Variants in HECA observed in about 807,000 individuals in gnomAD.
HECA encodes the protein HECA ribonucleoprotein granule regulator, also known as headcase protein homolog.
HECA carries 13 observed loss-of-function variants against 37.6 expected under a neutral mutation model. The ratio of observed to expected loss-of-function variants is 0.35; its 90% CI spans 0.23 to 0.55. The LOEUF is 0.55. Among genes scored for constraint, HECA ranks in the 20% least tolerant of loss-of-function variants. HECA has a pLI of 0.90. For synonymous variants in HECA, 307 were observed against 291.5 expected, an observed-to-expected ratio of 1.05 and a Z score of -0.54; for missense variants, 527 against 701.9, an observed-to-expected ratio of 0.75 and a Z score of 2.82.
intron 2 of HECA, among the ~76,000 whole-genome samples, chr6:139,171,002 G>A (rs1370106490): frequency 6.6e-6 from 1 of 152,134 alleles, no homozygotes; most frequent in Non-Finnish European, 1.5e-5. Context: ...CAGATAAATG[G>A]TGCAAGAGTA....
intron 1 of HECA, among the ~76,000 whole-genome samples, chr6:139,143,389 G>A (rs1181300476): frequency 6.6e-6 from 1 of 152,078 alleles, no homozygotes; most frequent in African/African-American, 2.4e-5. Context: ...ACATTAATGT[G>A]GAAAAAGACT....
chr6:139,159,300 A>C (rs574700884), intron 1 of HECA: 1 of 152,148 alleles, frequency 6.6e-6, no homozygotes, highest in Non-Finnish European at 1.5e-5. Context: ...TAAGAGGACC[A>C]TGCTCTCTGC....
intron 1 of HECA, among the ~76,000 whole-genome samples, chr6:139,139,638 C>G (rs544206538): frequency 4.7e-4 from 71 of 152,304 alleles, no homozygotes; most frequent in African/African-American, 1.7e-3. Context: ...TGGGGGAGCT[C>G]TGGAGGTGGG....
intron 1 of HECA, among the ~76,000 whole-genome samples, chr6:139,162,244 T>G (rs937127613): frequency 6.6e-6 from 1 of 151,974 alleles, no homozygotes. Context: ...GGAGTCAGGA[T>G]AGGGGGGCAA....
chr6:139,161,504 C>T (rs77313583), intron 1 of HECA, among the ~76,000 whole-genome samples: 1,601 of 152,266 alleles, frequency 0.011, 28 homozygotes, highest in African/African-American at 0.037. Context: ...GTCTGTGTTC[C>T]ATGTGTGCAC....
intron 1 of HECA, among the ~76,000 whole-genome samples, chr6:139,157,396 C>T (rs972968062): frequency 6.6e-6 from 1 of 152,206 alleles, no homozygotes; most frequent in African/African-American, 2.4e-5. Flanking sequence ...TTACCCAGCT[C>T]CTATTTAAGA....
rs770633229 is a variant in HECA, at chr6:139,166,696, A to G, written c.684A>G (p.Pro228=). The G allele has an allele frequency of 1.9e-6, 3 of 1,613,030 alleles. No individual in the cohort carries two copies. The highest frequency in any genetic ancestry group is 2.2e-5 in the South Asian group (2 of 90,958). The part of the protein sequence containing the change: ...AAEEAKKCRP[P]NKPQKGPSHD... Reference sequence around the variant, plus strand: ...AGGAGGCAAAAAAGTGCAGGCCCCCAAATAAGCCCCAGAAAGGCCCAAGCC... The same window carrying G: ...AGGAGGCAAAAAAGTGCAGGCCCCCGAATAAGCCCCAGAAAGGCCCAAGCC... The change falls in exon 2 of 4, where the codon CCA becomes CCG. Residue 228 remains proline, a synonymous_variant. Transcript: ENST00000367658.
At chr6:139,149,374 C>G (rs577485649) in intron 1 of HECA, among the ~76,000 whole-genome samples, 17 of 152,336 alleles carry the variant, frequency 1.1e-4, no homozygotes, top group African/African-American at 1.7e-4. Flanking sequence ...TGACATGATA[C>G]TGTTTGTGAC....
rs1239006420 is a variant in HECA at position 139,174,426 on chromosome 6, G to C, written c.1354G>C (p.Glu452Gln). Reference sequence around the variant, plus strand: ...GTATGCCGTGTGCGTGGACTGCCTGGAAGGGGTTCACAAGATCATCTGCAT... The same window carrying C: ...GTATGCCGTGTGCGTGGACTGCCTGCAAGGGGTTCACAAGATCATCTGCAT... Reference protein sequence around the residue: ...HLYAVCVDCLEGVHKIICIKC... With the variant: ...HLYAVCVDCLQGVHKIICIKC... The change falls in exon 3 of 4, where the codon GAA becomes CAA. Residue 452 changes from glutamate (E) to glutamine (Q), a missense_variant. Physicochemically the swap from Glu to Gln is conservative, Grantham distance 29. This residue lies in a region of HECA where 106 missense variants were observed against 193.4 expected (regional missense o/e 0.55). Coordinates refer to ENST00000367658, the MANE Select transcript of HECA (RefSeq NM_016217.3). The C allele has an allele frequency of 6.2e-7, 1 of 1,614,002 alleles. No individual in the cohort carries two copies. The highest frequency in any genetic ancestry group is 8.5e-7 in the Non-Finnish European group (1 of 1,179,996).
At chr6:139,159,420 A>G (rs1774765175) in intron 1 of HECA, among the ~76,000 whole-genome samples, 1 of 152,226 alleles carries the variant, frequency 6.6e-6, no homozygotes, top group African/African-American at 2.4e-5. Flanking sequence ...CTAGTATCCC[A>G]TGGAACCGGG....
Position 139,135,416 on chromosome 6 carries a change from G to A in HECA, c.20G>A (p.Ser7Asn). The change falls in exon 1 of 4, where the codon AGC (serine) becomes AAC (asparagine). Residue 7 changes from serine (S) to asparagine (N), a missense_variant. By Grantham distance (46) the Ser-to-Asn change is conservative. This residue lies in a region of HECA where 172 missense variants were observed against 197.6 expected (regional missense o/e 0.87). Coordinates refer to ENST00000367658, the MANE Select transcript of HECA (RefSeq NM_016217.3). The stretch of plus-strand genomic sequence containing the variant: ...AGCGAGATGCCCAACCCCAAAAACA[G>A]CAAAGGCGGCCGCAAAAACAAGCGC... MPNPKN[S>N]KGGRKNKRAN... 6 of 1,382,374 alleles carry A rather than the reference G, an allele frequency of 4.3e-6. No individual in the cohort carries two copies. The highest frequency in any genetic ancestry group is 2.6e-5 in the Admixed American group (1 of 39,174). The allele number at this position is 1,382,374 out of a possible 1,614,324, so 85.6% of individuals were successfully genotyped here. A position where few individuals can be genotyped will look rare whatever the true frequency, so the allele number is the denominator to read the frequency against.
chr6:139,162,514 T>G (rs1403800798), intron 1 of HECA, among the ~76,000 whole-genome samples: 1 of 152,216 alleles, frequency 6.6e-6, no homozygotes, highest in African/African-American at 2.4e-5. Flanking sequence ...GCAGTCTGGT[T>G]GCAGAGTCTG....
intron 1 of HECA, among the ~76,000 whole-genome samples, chr6:139,164,080 ACTCT>A (rs71549028): frequency 2.4e-4 from 35 of 148,166 alleles, no homozygotes; most frequent in East Asian, 1.2e-3. Context: ...ACACACACAC[ACTCT>A]CTCTCTCTCT....
chr6:139,140,201 C>T (rs1447406731), intron 1 of HECA, among the ~76,000 whole-genome samples: 1 of 152,174 alleles, frequency 6.6e-6, no homozygotes, highest in Non-Finnish European at 1.5e-5. Flanking sequence ...ATTTAAATTA[C>T]CTATATCCAT....
At chr6:139,162,349 G>C (rs903122740) in intron 1 of HECA, among the ~76,000 whole-genome samples, 3 of 152,164 alleles carry the variant, frequency 2.0e-5, no homozygotes, top group Non-Finnish European at 4.4e-5. Flanking sequence ...AGCATTTCAT[G>C]TGTATAGTTT....
intron 1 of HECA, among the ~76,000 whole-genome samples, chr6:139,149,014 G>A (rs1255182019): frequency 1.3e-5 from 2 of 152,088 alleles, no homozygotes; most frequent in African/African-American, 2.4e-5. Context: ...GGCCTCTTAA[G>A]GCTAAATTGC....
rs1374533310 is a variant in HECA at position 139,179,692 on chromosome 6, T to C, written c.*2587T>C. On this transcript the variant is annotated 3_prime_UTR_variant, in exon 4 of 4. Transcript: ENST00000367658. Reference sequence around the variant, plus strand: ...AACACCATGAAGATAAATCTTATTTTGGAAATCTACTGACCTTAATACCCC... The same window carrying C: ...AACACCATGAAGATAAATCTTATTTCGGAAATCTACTGACCTTAATACCCC... 1 of 152,234 alleles carries C rather than the reference T, an allele frequency of 6.6e-6. No homozygotes were observed. The highest frequency in any genetic ancestry group is 1.5e-5 in the Non-Finnish European group (1 of 68,042). The allele number at this position is 152,234 out of a possible 1,614,324, so 9.4% of individuals were successfully genotyped here.
At chr6:139,142,305 G>C (rs914550751) in intron 1 of HECA, among the ~76,000 whole-genome samples, 1 of 152,082 alleles carries the variant, frequency 6.6e-6, no homozygotes, top group Non-Finnish European at 1.5e-5. Context: ...ATCTTGGAGG[G>C]ACACAAACAT....
chr6:139,156,001 T>TTA (rs1395079205), intron 1 of HECA, among the ~76,000 whole-genome samples: 1 of 151,890 alleles, frequency 6.6e-6, no homozygotes, highest in African/African-American at 2.4e-5. Flanking sequence ...GTGGCACCAT[T>TTA]TATATTTTTT....
Sources: allele counts gnomAD v4.1 joint callset (sites outside exome capture counted in the v4.1 genomes callset), GRCh38; gene constraint gnomAD v4.1.1; regional missense constraint gnomAD v4.1.1; transcripts MANE v1.5; gene names NCBI Gene and HGNC (gene_info 2026-07-23, HGNC 2026-07-21).